The following PBX1 variants were observed in gnomAD, a reference collection of about 807,000 sequenced individuals.
PBX1 encodes pre-B-cell leukemia transcription factor 1.
Under a neutral mutation model 53.4 loss-of-function variants are expected in PBX1, and 6 were observed. That is an observed-to-expected ratio of 0.11 (90% confidence interval 0.06 to 0.22). The LOEUF is 0.22. Among genes scored for constraint, PBX1 ranks in the 10% least tolerant of loss-of-function variants. The pLI is 1.00. For synonymous variants in PBX1, 204 were observed against 212.3 expected, an observed-to-expected ratio of 0.96 and a Z score of 0.34; for missense variants, 251 against 551.4, an observed-to-expected ratio of 0.46 and a Z score of 5.46.
chr1:164,613,732 C>T (rs1291867810), intron 2 of PBX1, among the ~76,000 whole-genome samples: 2 of 152,132 alleles, frequency 1.3e-5, no homozygotes, highest in African/African-American at 4.8e-5. Flanking sequence ...GTTTCCTTGT[C>T]TTCCTTCTCT....
chr1:164,761,559 C>T (rs1328227642), intron 2 of PBX1, among the ~76,000 whole-genome samples: 5 of 152,100 alleles, frequency 3.3e-5, no homozygotes, highest in Non-Finnish European at 7.4e-5. Context: ...ATTCTCCTGC[C>T]TCAGCCTCCC....
chr1:164,802,137 G>A (rs989965654), intron 4 of PBX1, among the ~76,000 whole-genome samples: 8 of 152,238 alleles, frequency 5.3e-5, no homozygotes, highest in African/African-American at 1.9e-4. Context: ...TAGGTGTGTA[G>A]AATTGAGTGT....
chr1:164,844,805 A>G (rs1404782850), intron 8 of PBX1, among the ~76,000 whole-genome samples: 3 of 152,194 alleles, frequency 2.0e-5, no homozygotes, highest in African/African-American at 7.2e-5. Context: ...GATTCTGGTT[A>G]TACTACAGAG....
chr1:164,672,421 G>A (rs946506985), intron 2 of PBX1, among the ~76,000 whole-genome samples: 16 of 152,096 alleles, frequency 1.1e-4, no homozygotes, highest in Non-Finnish European at 2.1e-4. Flanking sequence ...CAGAGGGACC[G>A]CAGTGTACTT....
chr1:164,625,945 G>A (rs1658005318), intron 2 of PBX1: 7 of 1,035,140 alleles, frequency 6.8e-6, no homozygotes, highest in African/African-American at 1.7e-5. Context: ...AGGAGGCCAG[G>A]AGTCGGAACT....
At chr1:164,658,780 A>C (rs1660318417) in intron 2 of PBX1, among the ~76,000 whole-genome samples, 1 of 152,224 alleles carries the variant, frequency 6.6e-6, no homozygotes, top group South Asian at 2.1e-4. Context: ...GAGCATGTGC[A>C]TGCCAGATAC....
intron 2 of PBX1, among the ~76,000 whole-genome samples, chr1:164,749,115 G>T (rs1387600633): frequency 6.6e-6 from 1 of 152,044 alleles, no homozygotes; most frequent in African/African-American, 2.4e-5. Context: ...AAACATTACA[G>T]AAAGTCTGGA....
chr1:164,629,493 A>C (rs953323018), intron 2 of PBX1, among the ~76,000 whole-genome samples: 2 of 152,200 alleles, frequency 1.3e-5, no homozygotes, highest in African/African-American at 4.8e-5. Context: ...AGGGAGTCAC[A>C]GAACTGAGTC....
intron 2 of PBX1, among the ~76,000 whole-genome samples, chr1:164,711,418 C>A (rs1441803445): frequency 6.6e-6 from 1 of 152,202 alleles, no homozygotes; most frequent in Non-Finnish European, 1.5e-5. Context: ...CGCCCGCCAC[C>A]ATGCCCGGCT....
rs147047125 is a variant in PBX1, at chr1:164,823,357, A to G, written c.1200+1731A>G. Reference sequence around the variant, plus strand: ...ATTTTGTCTGAGTGCAGGTTTATACACACATGCATTTATGTATTTCCTGAA... The same window carrying G: ...ATTTTGTCTGAGTGCAGGTTTATACGCACATGCATTTATGTATTTCCTGAA... On this transcript the variant is annotated intron_variant, in intron 8 of 8. Coordinates refer to ENST00000420696, the MANE Select transcript of PBX1 (RefSeq NM_002585.4). Among the ~76,000 whole-genome samples the G allele has an allele frequency of 1.8e-3, 280 of 151,976 alleles. 5 individuals are homozygous for G. The highest frequency in any genetic ancestry group is 2.5e-3 in the East Asian group (13 of 5,162).
At chr1:164,812,792 G>A (rs1282117858) in intron 6 of PBX1, 1 of 152,086 alleles carries the variant, frequency 6.6e-6, no homozygotes, top group Admixed American at 6.6e-5. Context: ...AAGAGTTTAG[G>A]TCAAAATACT....
chr1:164,615,436 AT>A lies in PBX1; in HGVS notation c.265+52135del, dbSNP rs935896350. 3.0e-3 allele frequency among the ~76,000 whole-genome samples: 453 copies of A among 150,548 alleles called. 1 individual carries two copies. The highest frequency in any genetic ancestry group is 8.3e-3 in the African/African-American group (341 of 41,044). ...TAATAACATTCTTTTTTTTAGAATA[AT>A]TTTTTTTTTCTTTTCAGGCAAGTAA... is the stretch of plus-strand genomic sequence containing the variant. On this transcript the variant is annotated intron_variant, in intron 2 of 8. Transcript: ENST00000420696.
At chr1:164,660,185 A>G (rs1660401680) in intron 2 of PBX1, among the ~76,000 whole-genome samples, 3 of 152,244 alleles carry the variant, frequency 2.0e-5, no homozygotes, top group African/African-American at 7.2e-5. Flanking sequence ...TATTTCTGGT[A>G]GAAAACAAGG....
intron 2 of PBX1, among the ~76,000 whole-genome samples, chr1:164,875,231 T>C (rs1032756262): frequency 2.6e-5 from 4 of 152,170 alleles, no homozygotes; most frequent in Non-Finnish European, 4.4e-5. Flanking sequence ...GAAGCACGAC[T>C]GGGCTGGGAA....
At chr1:164,734,307 C>T (rs1330321210) in intron 2 of PBX1, among the ~76,000 whole-genome samples, 2 of 152,222 alleles carry the variant, frequency 1.3e-5, no homozygotes, top group Non-Finnish European at 2.9e-5. Context: ...CCCGAATCAA[C>T]TTCTGTGAAT....
downstream of PBX1, among the ~76,000 whole-genome samples, chr1:164,853,872 A>G (rs1188657030): frequency 6.6e-6 from 1 of 152,106 alleles, no homozygotes. Flanking sequence ...ATAGATTTGT[A>G]CATGGCTATC....
At chr1:164,670,301 G>A (rs1290442645) in intron 2 of PBX1, among the ~76,000 whole-genome samples, 1 of 152,178 alleles carries the variant, frequency 6.6e-6, no homozygotes, top group Non-Finnish European at 1.5e-5. Context: ...GGAACCTGGA[G>A]GCCAGGGATT....
intron 2 of PBX1, among the ~76,000 whole-genome samples, chr1:164,737,182 AG>A (rs1181689767): frequency 6.6e-6 from 1 of 152,204 alleles, no homozygotes; most frequent in Non-Finnish European, 1.5e-5. Flanking sequence ...CTCCAAGTAC[AG>A]GCCATGGACT....
chr1:164,802,875 T>G (rs76081029), intron 4 of PBX1, among the ~76,000 whole-genome samples: 4,902 of 152,288 alleles, frequency 0.032, 258 homozygotes, highest in African/African-American at 0.11. Flanking sequence ...ATAACATTTT[T>G]TTTTTTTAGT....
Sources: gnomAD v4.1 joint callset for allele counts (sites outside exome capture counted in the v4.1 genomes callset) on GRCh38, gnomAD v4.1.1 for gene constraint, MANE v1.5 for transcripts, NCBI Gene and HGNC (gene_info 2026-07-23, HGNC 2026-07-21) for gene names.